HABP2: variants seen among roughly 807,000 people sequenced by gnomAD.
HABP2 encodes the protein factor VII-activating protease.
A neutral mutation model predicts 66.5 loss-of-function variants in HABP2; 65 were observed. The observed-to-expected ratio is 0.98, with a 90% CI of 0.80 to 1.20. HABP2 has a LOEUF of 1.20. HABP2 is among the 50% of genes most tolerant of loss of function. The pLI, the probability that HABP2 is intolerant of heterozygous loss-of-function variation, is 0.00. For synonymous variants in HABP2, 263 were observed against 253.9 expected, an observed-to-expected ratio of 1.04 and a Z score of -0.34; for missense variants, 786 against 691.0, an observed-to-expected ratio of 1.14 and a Z score of -1.54.
At chr10:113,554,186 C>A (rs1052657428) in intron 1 of HABP2, among the ~76,000 whole-genome samples, 1 of 152,166 alleles carries the variant, frequency 6.6e-6, no homozygotes, top group South Asian at 2.1e-4. Context: ...GAGCTCTACT[C>A]CCTTAAAATG....
chr10:113,557,052 A>C (rs1431929438), intron 1 of HABP2, among the ~76,000 whole-genome samples: 1 of 152,014 alleles, frequency 6.6e-6, no homozygotes, highest in Non-Finnish European at 1.5e-5. Flanking sequence ...ATATTGACTT[A>C]TCGGACCAAG....
intron 1 of HABP2, among the ~76,000 whole-genome samples, chr10:113,562,832 C>T (rs922982546): frequency 3.9e-5 from 6 of 152,238 alleles, no homozygotes; most frequent in Middle Eastern, 3.2e-3. Flanking sequence ...GGTTAATGAG[C>T]TTTTCTGTTT....
chr10:113,580,365 T>C (rs572457075), intron 7 of HABP2, among the ~76,000 whole-genome samples: 2 of 152,330 alleles, frequency 1.3e-5, no homozygotes, highest in South Asian at 4.1e-4. Context: ...GCATGAGACT[T>C]GGGACCGCTT....
At chr10:113,553,227 T>G in intron 1 of HABP2, 37 bp downstream of exon 1, 1 of 1,484,234 alleles carries the variant, frequency 6.7e-7, no homozygotes, top group African/African-American at 1.4e-5. Flanking sequence ...GTTGAGAGAC[T>G]CCGAAGTTTA....
Position 113,586,288 on chromosome 10 carries a change from A to C in HABP2, c.1518+350A>C, listed in dbSNP as rs141626102. Among the ~76,000 whole-genome samples, 179 of 152,302 alleles carry C rather than the reference A, an allele frequency of 1.2e-3. No homozygotes were observed. The East Asian group carries it at 0.021, about 18-fold the overall frequency. ...CCAGTGGCAGGGCTGGGATTTGAAC[A>C]ATACAGTCTGCAGGACACCAAAGGG... On this transcript the variant is annotated intron_variant, in intron 12 of 12. Coordinates refer to ENST00000351270, the MANE Select transcript of HABP2 (RefSeq NM_004132.5).
intron 8 of HABP2, among the ~76,000 whole-genome samples, chr10:113,581,599 T>C (rs1158395124): frequency 1.3e-5 from 2 of 152,226 alleles, no homozygotes; most frequent in African/African-American, 4.8e-5. Flanking sequence ...ATAAACATAA[T>C]GTGTGTGTGT....
chr10:113,582,276 G>A, intron 9 of HABP2, 145 bp downstream of exon 9: 1 of 690,394 alleles, frequency 1.4e-6, no homozygotes, highest in East Asian at 3.1e-5. Context: ...CTGAAAGCCA[G>A]AGGGAAAATA....
In HABP2 at chr10:113,574,301, AC is replaced by A; in HGVS notation, c.121del (p.Gln41SerfsTer149). On this transcript the variant is annotated frameshift_variant, in exon 3 of 13. Transcript: ENST00000351270. LOFTEE classifies it high-confidence loss of function. ...ACCATCCCTGCAGACTGGACCCCTG[AC>A]CAGTATGATTACAGCTACGAGGATT... ...LESLDPDWTP[D>X]QYDYSYEDYN... The A allele has an allele frequency of 6.4e-7, 1 of 1,572,076 alleles. No homozygotes were observed. Among genetic ancestry groups the A allele is most frequent in the Non-Finnish European group, 8.8e-7 (1 of 1,141,430 alleles).
intron 1 of HABP2, among the ~76,000 whole-genome samples, chr10:113,556,043 G>T (rs758464843): frequency 7.0e-6 from 1 of 142,578 alleles, no homozygotes; most frequent in Non-Finnish European, 1.5e-5. Flanking sequence ...AAAGACAAAG[G>T]CTTCTCCTCT....
chr10:113,571,703 G>T (rs1845315422), intron 2 of HABP2, among the ~76,000 whole-genome samples: 1 of 152,092 alleles, frequency 6.6e-6, no homozygotes, highest in African/African-American at 2.4e-5. Context: ...GCCTAGACTT[G>T]GTCACTTCTA....
At chr10:113,588,167 G>C (rs562328713) in intron 12 of HABP2, 38 bp from the exon 13 acceptor site, 7 of 1,544,278 alleles carry the variant, frequency 4.5e-6, no homozygotes, top group Middle Eastern at 2.3e-4. Context: ...AGATGTCTCT[G>C]GTTCACGAGG....
chr10:113,583,402 T>G (rs765358373), intron 10 of HABP2, 44 bp downstream of exon 10: 2 of 1,577,514 alleles, frequency 1.3e-6, no homozygotes, highest in Admixed American at 1.7e-5. Flanking sequence ...TTGTCCTGGG[T>G]GGATTTCTCT....
rs753264250 is a variant in HABP2, at chr10:113,553,152, C to G, written c.31C>G (p.Leu11Val). Reference sequence around the variant, plus strand: ...TGCCAGGATGTCTGATCTCCATGTTCTGCTGTTAATGGCTCTGGTGGGAAA... The same window carrying G: ...TGCCAGGATGTCTGATCTCCATGTTGTGCTGTTAATGGCTCTGGTGGGAAA... MFARMSDLHVLLLMALVGKTA... is the reference protein window; with the variant it reads MFARMSDLHVVLLMALVGKTA... Residue 11 changes from leucine to valine, a missense_variant, in exon 1 of 13, where the codon CTG (leucine) becomes GTG (valine). Transcript: ENST00000351270. The G allele has an allele frequency of 3.7e-6, 6 of 1,613,644 alleles. No individual in the cohort carries two copies. The highest frequency in any genetic ancestry group is 5.1e-6 in the Non-Finnish European group (6 of 1,179,534).
chr10:113,556,255 T>C (rs1051514066), intron 1 of HABP2, among the ~76,000 whole-genome samples: 8 of 152,216 alleles, frequency 5.3e-5, no homozygotes, highest in Admixed American at 1.3e-4. Context: ...AAGAGTATTT[T>C]AGTTTTATTT....
chr10:113,588,680 C>T lies in HABP2; in HGVS notation c.*311C>T. On this transcript the variant is annotated 3_prime_UTR_variant, in exon 13 of 13. Transcript: ENST00000351270. The stretch of plus-strand genomic sequence containing the variant: ...TCACAGAGACTGCCTCCACCACAGG[C>T]ATCCTGCAAATGCAGACTCCAGAAT... The T allele has an allele frequency of 1.9e-6, 1 of 534,676 alleles. No individual in the cohort carries two copies. 33.1% of individuals were successfully genotyped at this position (534,676 alleles called of 1,614,324 possible).
At chr10:113,555,488 A>G (rs11575696) in intron 1 of HABP2, among the ~76,000 whole-genome samples, 104 of 152,316 alleles carry the variant, frequency 6.8e-4, no homozygotes, top group African/African-American at 2.3e-3. Context: ...AAAGGCAGCT[A>G]TAGGATCTGT....
chr10:113,554,402 A>G (rs1194782808), intron 1 of HABP2, among the ~76,000 whole-genome samples: 1 of 152,226 alleles, frequency 6.6e-6, no homozygotes, highest in Non-Finnish European at 1.5e-5. Context: ...TCTGATTAGC[A>G]TGTTTTTAAA....
chr10:113,582,128 C>A lies in HABP2; in HGVS notation c.1091C>A (p.Thr364Asn), dbSNP rs1386215149. The change falls in exon 9 of 13, where the codon ACC (threonine) becomes AAC (asparagine). Residue 364 changes from threonine to asparagine, a missense_variant. Transcript: ENST00000351270. ...PCWVLTAAHC[T>N]DIKTRHLKVV... ...TGGGTGCTCACTGCTGCCCACTGCA[C>A]CGAGTAGGTGCCGCTGGGAGCAGGG... 2.5e-6 allele frequency: 4 copies of A among 1,603,326 alleles called. No individual in the cohort carries two copies. Among genetic ancestry groups the A allele is most frequent in the Non-Finnish European group, 3.4e-6 (4 of 1,179,098 alleles).
At chr10:113,582,558 A>C (rs1845560269) in intron 9 of HABP2, among the ~76,000 whole-genome samples, 1 of 152,098 alleles carries the variant, frequency 6.6e-6, no homozygotes, top group Non-Finnish European at 1.5e-5. Flanking sequence ...AGTTGTATGG[A>C]AAGTTAAGTG....
Sources: gnomAD v4.1 joint callset for allele counts (sites outside exome capture counted in the v4.1 genomes callset) on GRCh38, gnomAD v4.1.1 for gene constraint, MANE v1.5 for transcripts, NCBI Gene and HGNC (gene_info 2026-07-23, HGNC 2026-07-21) for gene names.